The following EFTUD2 variants were observed in gnomAD, a reference collection of about 807,000 sequenced individuals.
EFTUD2 encodes 116 kDa U5 small nuclear ribonucleoprotein component.
Under a neutral mutation model 114.3 loss-of-function variants are expected in EFTUD2, and 9 were observed. The ratio of observed to expected loss-of-function variants is 0.08; its 90% CI spans 0.05 to 0.14. The LOEUF is 0.14. Among genes scored for constraint, EFTUD2 ranks in the 10% least tolerant of loss-of-function variants. The pLI, the probability that EFTUD2 is intolerant of heterozygous loss-of-function variation, is 1.00. For missense variants in EFTUD2, 765 were observed against 1,241.2 expected (o/e 0.62, Z 5.76); for synonymous variants, 449 against 462.3 (o/e 0.97, Z 0.37).
At position 44,888,547 on chromosome 17, in the gene EFTUD2, GA is replaced by G. The variant is rs561880318; in HGVS notation, c.106-1798del. On this transcript the variant is annotated intron_variant, in intron 2 of 27. Transcript: ENST00000426333. ...TTAGGGGGCTACTGCAGTGATTCAG[GA>G]AAGAAATAACAGTGGTGGTGGCTTG... 1.1e-4 allele frequency among the ~76,000 whole-genome samples: 17 copies of G among 152,346 alleles called. No individual in the cohort carries two copies. The East Asian group carries it at 3.1e-3, about 28-fold the overall frequency.
At position 44,851,070 on chromosome 17, in the gene EFTUD2, CA is replaced by C. The variant is rs2050439042; in HGVS notation, c.*203del. The C allele has an allele frequency of 1.9e-6, 1 of 527,780 alleles. No homozygotes were observed. Among genetic ancestry groups the C allele is most frequent in the Admixed American group, 3.1e-5 (1 of 32,648 alleles). 32.7% of individuals were successfully genotyped at this position (527,780 alleles called of 1,614,324 possible). On this transcript the variant is annotated 3_prime_UTR_variant, in exon 28 of 28. Transcript: ENST00000426333. The stretch of plus-strand genomic sequence containing the variant: ...TCTTTTCCTTGGGAATGGAGCCCGG[CA>C]GAGGCCACAGAAGGAAGCAGGAGGC...
At position 44,854,080 on chromosome 17, in the gene EFTUD2, T is replaced by C; in HGVS notation, c.2347+189A>G. Reference sequence around the variant, plus strand: ...ATGACAGTTTAGAAATGACTTAAATTTCCATTTCCAGGCTACACCACCAGG... The same window carrying C: ...ATGACAGTTTAGAAATGACTTAAATCTCCATTTCCAGGCTACACCACCAGG... On this transcript the variant is annotated intron_variant, in intron 23 of 27. Transcript: ENST00000426333. This position sits in a 1 kb window ranked among gnomAD's most constrained non-coding sequence, Gnocchi z 4.3. 7.1e-7 allele frequency: 1 copy of C among 1,413,624 alleles called. No individual in the cohort carries two copies. The highest frequency in any genetic ancestry group is 9.2e-7 in the Non-Finnish European group (1 of 1,088,676). 87.6% of individuals were successfully genotyped at this position (1,413,624 alleles called of 1,614,324 possible).
At chr17:44,886,453 A>G (rs2051174779) in intron 3 of EFTUD2, 132 bp downstream of exon 3, 7 of 1,463,488 alleles carry the variant, frequency 4.8e-6, no homozygotes, top group Non-Finnish European at 5.4e-6. Flanking sequence ...TAAATCTTAA[A>G]CCAGAAACAG....
chr17:44,856,646 T>C (rs914464899), intron 20 of EFTUD2, among the ~76,000 whole-genome samples: 1 of 151,872 alleles, frequency 6.6e-6, no homozygotes, highest in African/African-American at 2.4e-5. Context: ...AAGACCAGTC[T>C]GGACAACAAA....
intron 5 of EFTUD2, 39 bp from the exon 6 acceptor site, chr17:44,883,197 A>T (rs1175697969): frequency 1.9e-6 from 3 of 1,604,526 alleles, no homozygotes; most frequent in Non-Finnish European, 2.6e-6. Context: ...CCGACCACAG[A>T]GGAAAATTTA....
At chr17:44,867,499 C>T (rs2050769633) in intron 13 of EFTUD2, among the ~76,000 whole-genome samples, 1 of 151,882 alleles carries the variant, frequency 6.6e-6, no homozygotes, top group African/African-American at 2.4e-5. Flanking sequence ...GGGGTTTCAT[C>T]GTGTTGCCTA....
rs1282922180 is a variant in EFTUD2 at position 44,883,170 on chromosome 17, G to T, written c.427-12C>A. 6.2e-7 allele frequency: 1 copy of T among 1,613,946 alleles called. No individual in the cohort carries two copies. Among genetic ancestry groups the T allele is most frequent in the South Asian group, 1.1e-5 (1 of 91,072 alleles). On this transcript the variant is annotated splice_polypyrimidine_tract_variant and intron_variant, in intron 5 of 27. Transcript: ENST00000426333. The stretch of plus-strand genomic sequence containing the variant: ...TCCACAAAACATGTCTAAAAGGGAA[G>T]AAACAGTTAACATCTGCCGACCACA...
intron 20 of EFTUD2, among the ~76,000 whole-genome samples, chr17:44,856,173 A>C (rs1019772080): frequency 6.7e-6 from 1 of 149,748 alleles, no homozygotes; most frequent in African/African-American, 2.5e-5. Flanking sequence ...ATCAGGGGCA[A>C]GGTGGAGCAA....
At chr17:44,891,701 T>C (rs752833956) in intron 2 of EFTUD2, 3 of 152,176 alleles carry the variant, frequency 2.0e-5, no homozygotes, top group African/African-American at 7.2e-5. Context: ...TATAGAGATA[T>C]AATTCACATT....
chr17:44,864,152 G>A (rs142288115), intron 14 of EFTUD2: 245 of 184,458 alleles, frequency 1.3e-3, no homozygotes, highest in African/African-American at 5.7e-3. Context: ...GACTCCCCTT[G>A]AGAAACACTG....
At chr17:44,862,339 G>A (rs1401237823) in intron 16 of EFTUD2, among the ~76,000 whole-genome samples, 1 of 152,162 alleles carries the variant, frequency 6.6e-6, no homozygotes, top group Non-Finnish European at 1.5e-5. Context: ...GGAGGCTGAG[G>A]TGGAAGGACT....
At chr17:44,898,203 G>A (rs914628902) in intron 1 of EFTUD2, among the ~76,000 whole-genome samples, 2 of 152,166 alleles carry the variant, frequency 1.3e-5, no homozygotes, top group East Asian at 1.9e-4. Flanking sequence ...AGGGATTGAA[G>A]AAATTATTTA....
intron 1 of EFTUD2, among the ~76,000 whole-genome samples, chr17:44,896,462 A>G (rs139266640): frequency 8.1e-4 from 124 of 152,346 alleles, no homozygotes; most frequent in Middle Eastern, 3.4e-3. Context: ...CCTGGCTAAC[A>G]CAGTGAAACC....
At chr17:44,883,775 TG>T (rs772308779) in intron 4 of EFTUD2, 51 bp from the exon 5 acceptor site, 1 of 1,573,180 alleles carries the variant, frequency 6.4e-7, no homozygotes, top group Admixed American at 1.7e-5. Flanking sequence ...CGTTTCCAAA[TG>T]AGGAGTGGTG....
chr17:44,855,423 T>C (rs2145440808), intron 20 of EFTUD2, among the ~76,000 whole-genome samples: 1 of 151,974 alleles, frequency 6.6e-6, no homozygotes, highest in East Asian at 1.9e-4. Flanking sequence ...TAGCTGGGCG[T>C]GGTGGCGTGC....
rs372683375 is a variant in EFTUD2 at position 44,863,684 on chromosome 17, C to A, written c.1384G>T (p.Gly462Cys). The change falls in exon 15 of 28, where the codon GGC (glycine) becomes TGC (cysteine). Residue 462 changes from glycine to cysteine, a missense_variant. Physicochemically the swap from Gly to Cys is radical, Grantham distance 159 (BLOSUM62 -3). This residue lies in a region of EFTUD2 where 59 missense variants were observed against 50.1 expected (regional missense o/e 1.18). Coordinates refer to ENST00000426333, the MANE Select transcript of EFTUD2 (RefSeq NM_004247.4). ...TYTGGVDSDL[G>C]EAMSDCDPDG... ...GGGTCACAGTCACTCATAGCCTCGC[C>A]GAGGTCGGAGTCCACACCACCGGTG... 2 of 1,613,924 alleles carry A rather than the reference C, an allele frequency of 1.2e-6. No individual in the cohort carries two copies. The highest frequency in any genetic ancestry group is 1.7e-6 in the Non-Finnish European group (2 of 1,179,968).
chr17:44,885,579 G>A (rs1221760509), intron 3 of EFTUD2, among the ~76,000 whole-genome samples: 6 of 152,038 alleles, frequency 3.9e-5, no homozygotes. Context: ...GGGAGGGAGG[G>A]GGAATGGATG....
chr17:44,882,362 C>T (rs548915382), intron 6 of EFTUD2, among the ~76,000 whole-genome samples: 4 of 152,300 alleles, frequency 2.6e-5, no homozygotes, highest in Admixed American at 2.6e-4. Flanking sequence ...AGCGATTCTC[C>T]TGCCTCAGCC....
rs2050697837 is a variant in EFTUD2, at chr17:44,863,748, A to C, written c.1320T>G (p.Ser440=). 1 of 1,614,008 alleles carries C rather than the reference A, an allele frequency of 6.2e-7. No individual in the cohort carries two copies. The highest frequency in any genetic ancestry group is 1.3e-5 in the African/African-American group (1 of 74,918). Residue 440 remains serine, a synonymous_variant, in exon 15 of 28, where the codon TCT becomes TCG. Transcript: ENST00000426333. ...FVDMCVQHIP[S]PKVGAKPKIE... ...TCTTGGGCTTGGCGCCCACCTTTGG[A>C]GAAGGGATATGCTGCACACACATGT...
Sources: allele counts gnomAD v4.1 joint callset (sites outside exome capture counted in the v4.1 genomes callset), GRCh38; gene constraint gnomAD v4.1.1; regional missense constraint gnomAD v4.1.1; non-coding constraint Gnocchi (gnomAD v3.1); transcripts MANE v1.5; gene names NCBI Gene and HGNC (gene_info 2026-07-23, HGNC 2026-07-21).